SLC26A5: variants seen among roughly 807,000 people sequenced by gnomAD.
SLC26A5 encodes the protein prestin.
A neutral mutation model predicts 81.0 loss-of-function variants in SLC26A5; 51 were observed. The observed-to-expected ratio is 0.63, with a 90% CI of 0.50 to 0.80. The LOEUF is 0.80. Ranked by LOEUF, SLC26A5 falls within the 30% of genes least tolerant of loss-of-function variation. The pLI is 0.00. For missense variants in SLC26A5, 771 were observed against 905.8 expected (o/e 0.85, Z 1.91); for synonymous variants, 325 against 332.8 (o/e 0.98, Z 0.25).
chr7:103,431,613 A>G (rs747794148), intron 2 of SLC26A5, among the ~76,000 whole-genome samples: 2 of 152,210 alleles, frequency 1.3e-5, no homozygotes, highest in Non-Finnish European at 2.9e-5. Flanking sequence ...GGTGTGAGCC[A>G]CTGTAGCCAG....
intron 12 of SLC26A5, among the ~76,000 whole-genome samples, chr7:103,389,646 G>A (rs1822486747): frequency 6.6e-6 from 1 of 152,040 alleles, no homozygotes; most frequent in South Asian, 2.1e-4. Flanking sequence ...TTTTTGAGAT[G>A]AAGTCTTGCT....
intron 7 of SLC26A5, among the ~76,000 whole-genome samples, chr7:103,409,057 C>G (rs1025441164): frequency 4.6e-5 from 7 of 152,202 alleles, no homozygotes; most frequent in Non-Finnish European, 8.8e-5. Context: ...CAGTCAGGGA[C>G]TCAACTTAAA....
chr7:103,434,815 C>T (rs1826336494), intron 2 of SLC26A5, among the ~76,000 whole-genome samples: 1 of 152,074 alleles, frequency 6.6e-6, no homozygotes, highest in Admixed American at 6.6e-5. Flanking sequence ...CCACGCCCAG[C>T]CAATTTTTGT....
rs758296708 is a variant in SLC26A5 at position 103,421,432 on chromosome 7, A to T, written c.83T>A (p.Leu28His). The change falls in exon 3 of 20, where the codon CTC becomes CAC. Residue 28 changes from leucine to histidine, a missense_variant. Physicochemically the swap from Leu to His is moderately conservative, Grantham distance 99. Transcript: ENST00000306312. The part of the protein sequence containing the change: ...VERPIFSHPV[L>H]QERLHTKDKV... ...GTCCTTTGTGTGTAGTCTTTCCTGG[A>T]GGACCGGATGACTAAAGATAGGCCT... 6.2e-7 allele frequency: 1 copy of T among 1,614,068 alleles called. No homozygotes were observed. Among genetic ancestry groups the T allele is most frequent in the Non-Finnish European group, 8.5e-7 (1 of 1,179,940 alleles).
At chr7:103,399,566 C>G (rs967382164) in intron 8 of SLC26A5, among the ~76,000 whole-genome samples, 1 of 152,102 alleles carries the variant, frequency 6.6e-6, no homozygotes, top group African/African-American at 2.4e-5. Flanking sequence ...ATACTCTTCA[C>G]TTCTTTTTTA....
chr7:103,413,051 G>A lies in SLC26A5; in HGVS notation c.354C>T (p.Tyr118=), dbSNP rs1375164927. Residue 118 remains tyrosine (Y), a synonymous_variant, in exon 5 of 20, where the codon TAC becomes TAT. Transcript: ENST00000306312. ...CAAGAAAACAATACATGATAACAGG[G>A]TAAAATGAAGAGTACAGGCCAAATA... is the stretch of plus-strand genomic sequence containing the variant. ...PPIFGLYSSF[Y]PVIMYCFLGT... 1.2e-6 allele frequency: 2 copies of A among 1,613,898 alleles called. No individual in the cohort carries two copies. Among genetic ancestry groups the A allele is most frequent in the South Asian group, 1.1e-5 (1 of 91,072 alleles).
rs753131965 is a variant in SLC26A5 at position 103,397,972 on chromosome 7, C to T, written c.931G>A (p.Glu311Lys). Residue 311 changes from glutamate (E) to lysine (K), a missense_variant, in exon 9 of 20, where the codon GAA (glutamate) becomes AAA (lysine). Transcript: ENST00000306312. ...TGISAGFNLK[E>K]SYNVDVVGTL... ...CCAACGACATCCACATTGTATGATT[C>T]TTTCAAGTTAAACCCAGCTGAAATG... The T allele has an allele frequency of 1.2e-6, 2 of 1,614,062 alleles. No individual in the cohort carries two copies. The highest frequency in any genetic ancestry group is 1.1e-5 in the South Asian group (1 of 91,082).
At chr7:103,371,410 CGCCT>C (rs1406020051), downstream of SLC26A5, among the ~76,000 whole-genome samples, 2 of 151,254 alleles carry the variant, frequency 1.3e-5, no homozygotes, top group Non-Finnish European at 2.9e-5. Flanking sequence ...CTGCAAGCTC[CGCCT>C]CCCGGGTTCA....
chr7:103,416,867 A>C (rs190041998), intron 4 of SLC26A5, among the ~76,000 whole-genome samples: 4 of 152,296 alleles, frequency 2.6e-5, no homozygotes, highest in Admixed American at 2.6e-4. Context: ...GCTTAACACA[A>C]AATCTTTTTG....
rs1185041120 is a variant in SLC26A5 at position 103,398,030 on chromosome 7, T to C, written c.889-16A>G. On this transcript the variant is annotated splice_polypyrimidine_tract_variant and intron_variant, in intron 8 of 19. Transcript: ENST00000306312. Reference sequence around the variant, plus strand: ...CCATTACGACCTAAAAAGACACAAATCCAAATGCACCTTTAGAGATGAATG... The same window carrying C: ...CCATTACGACCTAAAAAGACACAAACCCAAATGCACCTTTAGAGATGAATG... The C allele has an allele frequency of 6.2e-6, 10 of 1,601,944 alleles. No homozygotes were observed. The highest frequency in any genetic ancestry group is 8.6e-6 in the Non-Finnish European group (10 of 1,169,198).
At chr7:103,412,763 C>G (rs1238372571) in intron 5 of SLC26A5, among the ~76,000 whole-genome samples, 3 of 151,976 alleles carry the variant, frequency 2.0e-5, no homozygotes, top group Non-Finnish European at 4.4e-5. Flanking sequence ...GTTGGTCTGG[C>G]TGGTCTCGAA....
intron 11 of SLC26A5, among the ~76,000 whole-genome samples, chr7:103,391,362 A>G (rs1334885722): frequency 6.6e-6 from 1 of 152,156 alleles, no homozygotes; most frequent in Non-Finnish European, 1.5e-5. Flanking sequence ...ACAATATTCT[A>G]TGTCTGAACT....
rs112744367 is a variant in SLC26A5, at chr7:103,391,533, A to C, written c.1233+89T>G. ...GGAGCATGGATCTGCAGGCCAGAGT[A>C]GCTTTGTTTGGGTTCAGAATATAAT... On this transcript the variant is annotated intron_variant, in intron 11 of 19. Transcript: ENST00000306312. 1.6e-5 allele frequency: 17 copies of C among 1,043,392 alleles called. No homozygotes were observed. In the African/African-American group the frequency reaches 1.9e-4, roughly 12 times the overall value. The allele number at this position is 1,043,392 out of a possible 1,614,324, so 64.6% of individuals were successfully genotyped here. A position where few individuals can be genotyped will look rare whatever the true frequency, so the allele number is the denominator to read the frequency against.
At chr7:103,443,935 G>GGTAA (rs1827075086) in intron 1 of SLC26A5, among the ~76,000 whole-genome samples, 1 of 151,966 alleles carries the variant, frequency 6.6e-6, no homozygotes, top group African/African-American at 2.4e-5. Context: ...TTTTTTCTGG[G>GGTAA]GTAAGTCCCT....
chr7:103,378,309 A>T (rs574854046), intron 17 of SLC26A5, 137 bp downstream of exon 17: 28 of 811,436 alleles, frequency 3.5e-5, no homozygotes, highest in Non-Finnish European at 5.8e-5. Flanking sequence ...CTTGTAAAAT[A>T]TAGAGGATAC....
At chr7:103,431,257 A>C (rs1216843546) in intron 2 of SLC26A5, among the ~76,000 whole-genome samples, 1 of 152,180 alleles carries the variant, frequency 6.6e-6, no homozygotes, top group Non-Finnish European at 1.5e-5. Flanking sequence ...AATGAAAAGC[A>C]ATACTTTTCC....
intron 19 of SLC26A5, among the ~76,000 whole-genome samples, chr7:103,363,701 T>C (rs557314208): frequency 6.6e-6 from 1 of 152,278 alleles, no homozygotes; most frequent in East Asian, 1.9e-4. Flanking sequence ...TTTAGCAATA[T>C]GTTAAATATG....
At chr7:103,362,874 A>C (rs915835250) in intron 19 of SLC26A5, 11 of 755,658 alleles carry the variant, frequency 1.5e-5, no homozygotes, top group Non-Finnish European at 2.2e-5. Flanking sequence ...GCTCACTGCA[A>C]CCTCTGCCTC....
At chr7:103,398,582 A>G (rs902183496) in intron 8 of SLC26A5, among the ~76,000 whole-genome samples, 1 of 152,142 alleles carries the variant, frequency 6.6e-6, no homozygotes, top group African/African-American at 2.4e-5. Flanking sequence ...GTCACTTTAC[A>G]TACGCCCATC....
Sources: gnomAD v4.1 joint callset for allele counts (sites outside exome capture counted in the v4.1 genomes callset) on GRCh38, gnomAD v4.1.1 for gene constraint, MANE v1.5 for transcripts, NCBI Gene and HGNC (gene_info 2026-07-23, HGNC 2026-07-21) for gene names.